MYO16: variants seen among roughly 807,000 people sequenced by gnomAD.
MYO16 encodes the protein myosin XVI.
Under a neutral mutation model 205.3 loss-of-function variants are expected in MYO16, and 94 were observed. That is an observed-to-expected ratio of 0.46 (90% CI 0.39 to 0.54). The LOEUF is 0.54. Among genes scored for constraint, MYO16 ranks in the 20% least tolerant of loss-of-function variants. The pLI, the probability that MYO16 is intolerant of heterozygous loss-of-function variation, is 0.00. For missense variants in MYO16, 2,315 were observed against 2,387.5 expected (o/e 0.97, Z 0.63); for synonymous variants, 988 against 954.0 (o/e 1.04, Z -0.66).
intron 5 of MYO16, among the ~76,000 whole-genome samples, chr13:108,788,562 G>A (rs879571143): frequency 6.6e-5 from 10 of 152,150 alleles, no homozygotes; most frequent in South Asian, 2.1e-4. Flanking sequence ...AAAAGCTTTA[G>A]TTGGCTCTGC....
At chr13:109,006,896 G>C (rs78977988) in intron 21 of MYO16, among the ~76,000 whole-genome samples, 13,701 of 152,106 alleles carry the variant, frequency 0.09, 691 homozygotes, top group Middle Eastern at 0.11. Context: ...ATATGAGCAG[G>C]CCAGGAGTCC....
chr13:108,789,081 C>T (rs1225766897), intron 5 of MYO16, among the ~76,000 whole-genome samples: 1 of 152,184 alleles, frequency 6.6e-6, no homozygotes, highest in Non-Finnish European at 1.5e-5. Flanking sequence ...CAGACCTTCA[C>T]TCCTGCATAC....
intron 2 of MYO16, among the ~76,000 whole-genome samples, chr13:108,667,321 T>G (rs985613568): frequency 2.4e-5 from 3 of 123,346 alleles, no homozygotes; most frequent in Admixed American, 8.4e-5. Context: ...TTCTGTTTTG[T>G]TTTTTTTTTT....
chr13:109,085,679 A>G (rs563757156), intron 27 of MYO16, among the ~76,000 whole-genome samples: 5 of 152,328 alleles, frequency 3.3e-5, no homozygotes, highest in African/African-American at 1.2e-4. Flanking sequence ...TGTGATCGCT[A>G]AAGAAAGACA....
At chr13:108,525,948 T>TTG in the MYO16 span, among the ~76,000 whole-genome samples, 3 of 151,360 alleles carry the variant, frequency 2.0e-5, no homozygotes, top group African/African-American at 4.9e-5. Flanking sequence ...CTGATTTTTT[T>TTG]TTTTTTCTGG....
intron 15 of MYO16, among the ~76,000 whole-genome samples, chr13:108,908,785 C>T (rs1378465335): frequency 6.6e-6 from 1 of 151,784 alleles, no homozygotes; most frequent in African/African-American, 2.4e-5. Flanking sequence ...ACCAGCCTGG[C>T]CAATATGGCA....
At chr13:109,187,601 A>G (rs910320103) in intron 34 of MYO16, among the ~76,000 whole-genome samples, 1 of 152,128 alleles carries the variant, frequency 6.6e-6, no homozygotes, top group African/African-American at 2.4e-5. Flanking sequence ...AATATTTTCT[A>G]ATTTCCCATG....
chr13:108,936,641 C>A (rs1032383260), intron 16 of MYO16, among the ~76,000 whole-genome samples: 2 of 151,940 alleles, frequency 1.3e-5, no homozygotes, highest in Non-Finnish European at 2.9e-5. Context: ...GTGATCCCTG[C>A]TTTTTGTTTT....
intron 16 of MYO16, among the ~76,000 whole-genome samples, chr13:108,949,947 A>G (rs1396712723): frequency 6.6e-6 from 1 of 152,118 alleles, no homozygotes; most frequent in African/African-American, 2.4e-5. Context: ...ATCAACTTCA[A>G]CAAAAGGTGC....
chr13:108,702,358 A>C (rs1883341033), intron 2 of MYO16, among the ~76,000 whole-genome samples: 1 of 152,216 alleles, frequency 6.6e-6, no homozygotes, highest in African/African-American at 2.4e-5. Flanking sequence ...GCTGACTTCT[A>C]ATCAGAAACC....
At chr13:108,703,341 T>C (rs757916192) in intron 2 of MYO16, among the ~76,000 whole-genome samples, 14 of 152,182 alleles carry the variant, frequency 9.2e-5, no homozygotes, top group Admixed American at 2.0e-4. Flanking sequence ...GGACATTATA[T>C]AGTGATAAAG....
At chr13:109,160,037 G>T (rs1212171493) in intron 32 of MYO16, among the ~76,000 whole-genome samples, 2 of 152,212 alleles carry the variant, frequency 1.3e-5, no homozygotes, top group African/African-American at 2.4e-5. Flanking sequence ...TTCTGAGCTG[G>T]ATACTATAAT....
intron 12 of MYO16, among the ~76,000 whole-genome samples, chr13:108,874,720 T>C (rs1373385690): frequency 6.7e-6 from 1 of 148,604 alleles, no homozygotes; most frequent in Non-Finnish European, 1.5e-5. Context: ...TTATTATTAT[T>C]ATTATTATTA....
chr13:108,684,064 C>T lies in MYO16; in HGVS notation c.292+17915C>T, dbSNP rs574662012. Among the ~76,000 whole-genome samples, 6 of 152,184 alleles carry T rather than the reference C, an allele frequency of 3.9e-5. No homozygotes were observed. In the East Asian group the frequency reaches 7.8e-4, roughly 20 times the overall value. On this transcript the variant is annotated intron_variant, in intron 2 of 34. Coordinates refer to ENST00000457511, the MANE Select transcript of MYO16 (RefSeq NM_001198950.3). Reference sequence around the variant, plus strand: ...ATAATTTTTGTATTTTTAGTAGAGACGGGGTTTCACCATGTTGGCCAAGAT... The same window carrying T: ...ATAATTTTTGTATTTTTAGTAGAGATGGGGTTTCACCATGTTGGCCAAGAT...
At chr13:109,069,558 A>G (rs1013228177) in intron 27 of MYO16, among the ~76,000 whole-genome samples, 1 of 141,890 alleles carries the variant, frequency 7.0e-6, no homozygotes, top group African/African-American at 2.7e-5. Flanking sequence ...GCAAGCTGGC[A>G]TCTAGTGTGT....
chr13:109,120,113 A>G (rs1346041188), intron 28 of MYO16, among the ~76,000 whole-genome samples: 3 of 152,234 alleles, frequency 2.0e-5, no homozygotes, highest in African/African-American at 7.2e-5. Flanking sequence ...CTTTTGCACC[A>G]CATGGTACAA....
At chr13:108,527,295 C>A in the MYO16 span, among the ~76,000 whole-genome samples, 1 of 152,066 alleles carries the variant, frequency 6.6e-6, no homozygotes, top group African/African-American at 2.4e-5. Context: ...AACCCAAGTT[C>A]ATGATGACAA....
chr13:108,632,109 C>A (rs1256551858), intron 1 of MYO16, among the ~76,000 whole-genome samples: 2 of 148,908 alleles, frequency 1.3e-5, no homozygotes, highest in Admixed American at 1.3e-4. Flanking sequence ...AGAGTGAATG[C>A]CCTCATGGTA....
intron 33 of MYO16, among the ~76,000 whole-genome samples, chr13:109,177,765 C>A (rs558134312): frequency 2.0e-5 from 3 of 152,222 alleles, no homozygotes; most frequent in Admixed American, 1.3e-4. Context: ...GATCCGCCAC[C>A]TTAGCCTCCC....
Sources: gnomAD v4.1 joint callset for allele counts (sites outside exome capture counted in the v4.1 genomes callset) on GRCh38, gnomAD v4.1.1 for gene constraint, MANE v1.5 for transcripts, NCBI Gene and HGNC (gene_info 2026-07-23, HGNC 2026-07-21) for gene names.